Variants in AFF1 observed in about 807,000 individuals in gnomAD.
AFF1 encodes AF4/FMR2 family member 1.
In AFF1, 48 loss-of-function variants were observed where a neutral mutation model predicts 121.7. That is an observed-to-expected ratio of 0.39 (90% CI 0.31 to 0.50). The LOEUF is 0.50. AFF1 is among the 20% of genes least tolerant of loss of function. The pLI is 0.76. For missense variants in AFF1, 1,523 were observed against 1,511.7 expected, an observed-to-expected ratio of 1.01 and a Z score of -0.12; for synonymous variants, 613 against 563.0, an observed-to-expected ratio of 1.09 and a Z score of -1.26.
At position 87,120,630 on chromosome 4, in the gene AFF1, G is replaced by C. The variant is rs191423389; in HGVS notation, c.2467-4407G>C. 2.1e-3 allele frequency among the ~76,000 whole-genome samples: 313 copies of C among 152,322 alleles called. 5 individuals are homozygous for C. The highest frequency in any genetic ancestry group is 6.4e-3 in the African/African-American group (264 of 41,568). On this transcript the variant is annotated intron_variant, in intron 12 of 20. Transcript: ENST00000395146. ...AGAGGCGCACAAGGTCGGCGTACTG[G>C]CTCTGGCGCTGCCGGTGAATAAGGT...
chr4:87,058,625 T>A (rs575854455), intron 4 of AFF1, among the ~76,000 whole-genome samples: 141 of 152,276 alleles, frequency 9.3e-4, no homozygotes, highest in African/African-American at 3.0e-3. Context: ...CTTAAACCTT[T>A]CCCTTATTAC....
intron 19 of AFF1, 78 bp from the exon 20 acceptor site, chr4:87,134,393 T>A: frequency 7.5e-7 from 1 of 1,337,084 alleles, no homozygotes; most frequent in Non-Finnish European, 1.0e-6. Flanking sequence ...TGGACTGTAG[T>A]TCCAGACACG....
chr4:87,076,009 C>T lies in AFF1; in HGVS notation c.1060-8111C>T, dbSNP rs187060489. On this transcript the variant is annotated intron_variant, in intron 4 of 20. Transcript: ENST00000395146. ...ATGCAGAGATTACTAAACCCTAGTT[C>T]CTGCTTGTGGGAAGCCTGTCTGGAG... 1.1e-3 allele frequency among the ~76,000 whole-genome samples: 161 copies of T among 152,198 alleles called. 2 individuals are homozygous for T. Among genetic ancestry groups the T allele is most frequent in the Admixed American group, 2.7e-3 (42 of 15,284 alleles).
chr4:86,963,721 C>T (rs1722315124), intron 2 of AFF1, among the ~76,000 whole-genome samples: 1 of 152,050 alleles, frequency 6.6e-6, no homozygotes, highest in Non-Finnish European at 1.5e-5. Flanking sequence ...GTTTTCTCTC[C>T]CTTTCCCAGC....
At position 87,046,178 on chromosome 4, in the gene AFF1, C is replaced by T. The variant is rs144071180; in HGVS notation, c.51C>T (p.Asp17=). The change falls in exon 3 of 21, where the codon GAC becomes GAT. Residue 17 remains aspartate (D), a synonymous_variant. Transcript: ENST00000395146. The stretch of plus-strand genomic sequence containing the variant: ...GCATCTGAAACAGTTTGTACAATGA[C>T]GACAGAAACCTGCTTCGAATTAGAG... ...VNSSGNSLYN[D]DRNLLRIREK... The T allele has an allele frequency of 4.7e-4, 756 of 1,613,070 alleles. 1 individual carries two copies. The highest frequency in any genetic ancestry group is 5.5e-4 in the Non-Finnish European group (650 of 1,179,730).
intron 4 of AFF1, among the ~76,000 whole-genome samples, chr4:87,051,581 C>T (rs1259802753): frequency 1.3e-5 from 2 of 152,120 alleles, no homozygotes; most frequent in African/African-American, 4.8e-5. Flanking sequence ...CTGCCTCAGC[C>T]TTCCATGTAG....
chr4:87,019,801 A>T (rs978518304), intron 2 of AFF1, among the ~76,000 whole-genome samples: 5 of 147,384 alleles, frequency 3.4e-5, no homozygotes, highest in Non-Finnish European at 4.5e-5. Context: ...CCAGCAAATT[A>T]ATTGAAACCG....
chr4:87,050,335 A>T (rs1362971591), intron 4 of AFF1, among the ~76,000 whole-genome samples: 2 of 152,086 alleles, frequency 1.3e-5, no homozygotes, highest in African/African-American at 2.4e-5. Flanking sequence ...GTGTGAGGGG[A>T]TAGTTGGGTT....
intron 2 of AFF1, among the ~76,000 whole-genome samples, chr4:86,968,531 G>C (rs1230684585): frequency 1.3e-5 from 2 of 152,158 alleles, no homozygotes; most frequent in Admixed American, 6.5e-5. Context: ...TTTATGCTGG[G>C]CAAGGACCTC....
At chr4:87,129,970 T>C (rs1728661396) in intron 16 of AFF1, among the ~76,000 whole-genome samples, 1 of 147,016 alleles carries the variant, frequency 6.8e-6, no homozygotes, top group South Asian at 2.1e-4. Flanking sequence ...TTCTTTCTTT[T>C]TTTCTTTTTC....
At chr4:86,954,762 C>T (rs1721619832) in intron 2 of AFF1, among the ~76,000 whole-genome samples, 1 of 152,092 alleles carries the variant, frequency 6.6e-6, no homozygotes, top group African/African-American at 2.4e-5. Flanking sequence ...ATTTACTGTT[C>T]ATTAAGTGGA....
chr4:86,948,613 A>G (rs770067839), intron 2 of AFF1, 42 bp downstream of exon 2: 2 of 1,514,270 alleles, frequency 1.3e-6, no homozygotes, highest in South Asian at 1.2e-5. Flanking sequence ...CTGATATTTA[A>G]TTTTATAATC....
chr4:87,051,120 T>A (rs867133426), intron 4 of AFF1, among the ~76,000 whole-genome samples: 4 of 152,232 alleles, frequency 2.6e-5, no homozygotes, highest in African/African-American at 7.2e-5. Context: ...ATTTTAAAGC[T>A]AAAGACAGCT....
chr4:86,971,536 C>T (rs538397097), intron 2 of AFF1, among the ~76,000 whole-genome samples: 1 of 152,314 alleles, frequency 6.6e-6, no homozygotes, highest in East Asian at 1.9e-4. Context: ...CTGTTCCTTG[C>T]AGATGCACTG....
chr4:87,101,796 A>G (rs1725461095), intron 8 of AFF1, among the ~76,000 whole-genome samples: 1 of 152,206 alleles, frequency 6.6e-6, no homozygotes, highest in Admixed American at 6.5e-5. Context: ...TGACTTACTA[A>G]TTTTAAGTAA....
At chr4:87,118,426 TTCA>T (rs1727340832) in intron 12 of AFF1, among the ~76,000 whole-genome samples, 1 of 152,242 alleles carries the variant, frequency 6.6e-6, no homozygotes, top group African/African-American at 2.4e-5. Flanking sequence ...ACTACTGAAT[TTCA>T]TCAGTCTGAT....
At chr4:86,986,025 AAATTT>A (rs1208663779) in intron 2 of AFF1, among the ~76,000 whole-genome samples, 1 of 136,424 alleles carries the variant, frequency 7.3e-6, no homozygotes, top group African/African-American at 2.7e-5. Flanking sequence ...CCTTTTTTTA[AAATTT>A]AATTCAATTC....
At chr4:86,946,711 T>TA (rs1207616623) in intron 1 of AFF1, among the ~76,000 whole-genome samples, 3 of 152,042 alleles carry the variant, frequency 2.0e-5, no homozygotes, top group African/African-American at 7.2e-5. Flanking sequence ...GTACCTGGCT[T>TA]ACAGCAGATG....
intron 2 of AFF1, among the ~76,000 whole-genome samples, chr4:87,012,315 T>C (rs1726860527): frequency 1.3e-5 from 2 of 151,616 alleles, no homozygotes; most frequent in Non-Finnish European, 2.9e-5. Context: ...ACATCAGGTT[T>C]CTTTTCCAAG....
Sources: gnomAD v4.1 joint callset for allele counts (sites outside exome capture counted in the v4.1 genomes callset) on GRCh38, gnomAD v4.1.1 for gene constraint, MANE v1.5 for transcripts, NCBI Gene and HGNC (gene_info 2026-07-23, HGNC 2026-07-21) for gene names.